MYT1: variants seen among roughly 807,000 people sequenced by gnomAD.
The protein encoded by MYT1 is myelin transcription factor 1.
A neutral mutation model predicts 123.0 loss-of-function variants in MYT1; 23 were observed. The observed-to-expected ratio is 0.19, with a 90% CI of 0.13 to 0.26. The LOEUF (loss-of-function observed/expected upper bound fraction) is 0.26. Among genes scored for constraint, MYT1 ranks in the 10% least tolerant of loss-of-function variants. The pLI, the probability that MYT1 is intolerant of heterozygous loss-of-function variation, is 1.00. For synonymous variants in MYT1, 518 were observed against 575.3 expected, an observed-to-expected ratio of 0.90 and a Z score of 1.43; for missense variants, 1,125 against 1,472.5, an observed-to-expected ratio of 0.76 and a Z score of 3.86.
In MYT1 at chr20:64,191,549, G is replaced by C. The variant is rs1982971407; in HGVS notation, c.-1+1389G>C. The stretch of plus-strand genomic sequence containing the variant: ...TGGCTCAAGGACAGTGATGGCGTAG[G>C]GTGTAGGCAAGGAGGGCTATGCAGT... On this transcript the variant is annotated intron_variant, in intron 2 of 22. Transcript: ENST00000328439. The surrounding 1 kb of genome is among the most constrained non-coding windows in gnomAD (Gnocchi z 4.1). The C allele has an allele frequency of 6.6e-6, 1 of 152,264 alleles. No individual in the cohort carries two copies. Among genetic ancestry groups the C allele is most frequent in the African/African-American group, 2.4e-5 (1 of 41,456 alleles). The allele number at this position is 152,264 out of a possible 1,614,324, so 9.4% of individuals were successfully genotyped here. A position where few individuals can be genotyped will look rare whatever the true frequency, so the allele number is the denominator to read the frequency against.
At position 64,190,462 on chromosome 20, in the gene MYT1, T is replaced by A. The variant is rs113335919; in HGVS notation, c.-1+302T>A. Among the ~76,000 whole-genome samples the A allele has an allele frequency of 0.011, 1,676 of 152,022 alleles. 23 individuals carry two copies. The highest frequency in any genetic ancestry group is 0.038 in the African/African-American group (1,587 of 41,416). ...GCTGAGGCAGGTGGATCACTTGAGG[T>A]CAAGAGTTCAAGACCAGCCTGGCCA... On this transcript the variant is annotated intron_variant, in intron 2 of 22. Coordinates refer to ENST00000328439, the MANE Select transcript of MYT1 (RefSeq NM_004535.3). This position sits in a 1 kb window ranked among gnomAD's most constrained non-coding sequence, Gnocchi z 4.1.
In MYT1 at chr20:64,242,199, C is replaced by T. The variant is rs1984736316; in HGVS notation, c.*1751C>T. ...CAGGAAGCGCGTTGAACCCACAGCA[C>T]TCCGTGGTGTGTTTGCAGGGTGATT... On this transcript the variant is annotated 3_prime_UTR_variant, in exon 23 of 23. Transcript: ENST00000328439. 6.6e-6 allele frequency: 1 copy of T among 152,628 alleles called. No homozygotes were observed. Among genetic ancestry groups the T allele is most frequent in the Admixed American group, 6.5e-5 (1 of 15,282 alleles). 9.5% of individuals were successfully genotyped at this position (152,628 alleles called of 1,614,324 possible). A position where few individuals can be genotyped will look rare whatever the true frequency, so the allele number is the denominator to read the frequency against.
In MYT1 at chr20:64,227,946, G is replaced by A. The variant is rs749516674; in HGVS notation, c.2650G>A (p.Asp884Asn). 13 of 1,613,954 alleles carry A rather than the reference G, an allele frequency of 8.1e-6. No homozygotes were observed. The highest frequency in any genetic ancestry group is 1.7e-5 in the Admixed American group (1 of 60,002). ...SGVKVAPTKD[D>N]KEDPELMKCP... ...AGTCAAGGTGGCACCCACCAAGGACGACAAGGAGGACCCCGAGCTGATGAA... is the reference window on the plus strand; with the variant it reads ...AGTCAAGGTGGCACCCACCAAGGACAACAAGGAGGACCCCGAGCTGATGAA... The change falls in exon 18 of 23, where the codon GAC (aspartate) becomes AAC (asparagine). Residue 884 changes from aspartate (D) to asparagine (N), a missense_variant. This residue lies in a region of MYT1 where 243 missense variants were observed against 323.1 expected (regional missense o/e 0.75). Transcript: ENST00000328439.
rs1323352175 is a variant in MYT1 at position 64,166,186 on chromosome 20, A to G, written c.-99+1447A>G. ...AAAAGAGTAAGAGAGCAGGGATTGG[A>G]GTCCTGTGGTACCAGCCAGGGTGCT... On this transcript the variant is annotated intron_variant, in intron 1 of 22. Transcript: ENST00000328439. This position sits in a 1 kb window ranked among gnomAD's most constrained non-coding sequence, Gnocchi z 4.9. 1.3e-5 allele frequency among the ~76,000 whole-genome samples: 2 copies of G among 152,196 alleles called. No homozygotes were observed. Among genetic ancestry groups the G allele is most frequent in the African/African-American group, 2.4e-5 (1 of 41,446 alleles).
chr20:64,213,608 A>C lies in MYT1; in HGVS notation c.1592A>C (p.Asp531Ala). The change falls in exon 10 of 23, where the codon GAT becomes GCT. Residue 531 changes from aspartate to alanine, a missense_variant. This residue lies in a region of MYT1 where 429 missense variants were observed against 604.1 expected (regional missense o/e 0.71). Coordinates refer to ENST00000328439, the MANE Select transcript of MYT1 (RefSeq NM_004535.3). This position sits in a 1 kb window ranked among gnomAD's most constrained non-coding sequence, Gnocchi z 5.6. ...GAGAAGCAGCAGCCGCAGACAGGAG[A>C]TCCTTCCAAGAGTAGCTCCAATTCC... ...SHEKQQPQTG[D>A]PSKSSSNSDR... 6.2e-7 allele frequency: 1 copy of C among 1,614,094 alleles called. No homozygotes were observed.
At position 64,207,689 on chromosome 20, in the gene MYT1, G is replaced by A. The variant is rs761816010; in HGVS notation, c.493G>A (p.Ala165Thr). 5.8e-5 allele frequency: 93 copies of A among 1,613,916 alleles called. No homozygotes were observed. The South Asian group carries it at 8.0e-4, about 14-fold the overall frequency. ...CTACAGCAGCTACCAGGGAATCATCGCAACTTCTCTCCTGAACTTGGGTCA... is the reference window on the plus strand; with the variant it reads ...CTACAGCAGCTACCAGGGAATCATCACAACTTCTCTCCTGAACTTGGGTCA... ...GSYSSYQGII[A>T]TSLLNLGQIA... The change falls in exon 7 of 23, where the codon GCA (alanine) becomes ACA (threonine). Residue 165 changes from alanine (A) to threonine (T), a missense_variant. Physicochemically the swap from Ala to Thr is moderately conservative, Grantham distance 58. Coordinates refer to ENST00000328439, the MANE Select transcript of MYT1 (RefSeq NM_004535.3).
Position 64,196,671 on chromosome 20 carries a change from A to C in MYT1, c.1-2191A>C, listed in dbSNP as rs1983131438. Among the ~76,000 whole-genome samples the C allele has an allele frequency of 6.6e-6, 1 of 152,214 alleles. No individual in the cohort carries two copies. The highest frequency in any genetic ancestry group is 1.5e-5 in the Non-Finnish European group (1 of 68,042). Reference sequence around the variant, plus strand: ...GCTTATTGACCAGTCAATGCAGATAAATTGCAAATGGTAAAAAGGTGCTCA... The same window carrying C: ...GCTTATTGACCAGTCAATGCAGATACATTGCAAATGGTAAAAAGGTGCTCA... On this transcript the variant is annotated intron_variant, in intron 2 of 22. Coordinates refer to ENST00000328439, the MANE Select transcript of MYT1 (RefSeq NM_004535.3). This position sits in a 1 kb window ranked among gnomAD's most constrained non-coding sequence, Gnocchi z 4.3.
chr20:64,207,398 T>C (rs896068024), intron 6 of MYT1, among the ~76,000 whole-genome samples, 196 bp from the exon 7 acceptor site: 1 of 152,052 alleles, frequency 6.6e-6, no homozygotes, highest in African/African-American at 2.4e-5. Flanking sequence ...TCACCGTGAT[T>C]TCTGGATTCA....
At chr20:64,204,960 G>T in intron 4 of MYT1, 75 bp from the exon 5 acceptor site, 1 of 1,481,952 alleles carries the variant, frequency 6.7e-7, no homozygotes, top group Middle Eastern at 1.7e-4. Context: ...CTGCTCCCCA[G>T]GGTGAAGGTC....
At chr20:64,205,000 G>A (rs764406065) in intron 4 of MYT1, 35 bp from the exon 5 acceptor site, 45 of 1,609,404 alleles carry the variant, frequency 2.8e-5, no homozygotes, top group East Asian at 4.5e-5. Flanking sequence ...TGAGCCCATC[G>A]CCTGATGTGG....
At chr20:64,236,495 C>T in intron 19 of MYT1, 60 bp from the exon 20 acceptor site, 2 of 1,421,220 alleles carry the variant, frequency 1.4e-6, no homozygotes, top group Non-Finnish European at 2.0e-6. Context: ...GTATGTGACC[C>T]TGGGATGGTC....
At chr20:64,195,078 T>G (rs570365315) in intron 2 of MYT1, among the ~76,000 whole-genome samples, 2 of 151,880 alleles carry the variant, frequency 1.3e-5, no homozygotes, top group Non-Finnish European at 2.9e-5. Flanking sequence ...GTATTTTTAG[T>G]AGAGTCAGGT....
At chr20:64,205,125 A>T in intron 5 of MYT1, 28 bp downstream of exon 5, 1 of 1,612,308 alleles carries the variant, frequency 6.2e-7, no homozygotes, top group Non-Finnish European at 8.5e-7. Context: ...TCTCACGGAG[A>T]TTCCTGGGCG....
chr20:64,193,503 T>C lies in MYT1; in HGVS notation c.-1+3343T>C, dbSNP rs900220121. Among the ~76,000 whole-genome samples the C allele has an allele frequency of 5.3e-5, 8 of 152,142 alleles. No individual in the cohort carries two copies. Among genetic ancestry groups the C allele is most frequent in the African/African-American group, 1.9e-4 (8 of 41,416 alleles). On this transcript the variant is annotated intron_variant, in intron 2 of 22. Coordinates refer to ENST00000328439, the MANE Select transcript of MYT1 (RefSeq NM_004535.3). This position sits in a 1 kb window ranked among gnomAD's most constrained non-coding sequence, Gnocchi z 4.0. Reference sequence around the variant, plus strand: ...TGGCTTCACAGCAGTGACAGGGAAGTTGATGCTGCCCTCAGTACATAAATG... The same window carrying C: ...TGGCTTCACAGCAGTGACAGGGAAGCTGATGCTGCCCTCAGTACATAAATG...
intron 17 of MYT1, 132 bp downstream of exon 17, chr20:64,227,609 C>A: frequency 2.2e-6 from 2 of 906,466 alleles, no homozygotes; most frequent in Non-Finnish European, 3.3e-6. Flanking sequence ...TGAATTGTTG[C>A]CATTTCCAGA....
At position 64,240,317 on chromosome 20, in the gene MYT1, T is replaced by C; in HGVS notation, c.3238-3T>C. ...AGCTTGCTAACCTGGTTCTGTTCTC[T>C]AGGAGCCAATATGCGAACAGAATTT... On this transcript the variant is annotated splice_polypyrimidine_tract_variant and splice_region_variant and intron_variant, in intron 22 of 22. Transcript: ENST00000328439. 1 of 1,613,570 alleles carries C rather than the reference T, an allele frequency of 6.2e-7. No individual in the cohort carries two copies. The highest frequency in any genetic ancestry group is 8.5e-7 in the Non-Finnish European group (1 of 1,179,702).
rs762931300 is a variant in MYT1 at position 64,223,335 on chromosome 20, T to C, written c.2504T>C (p.Met835Thr). 3.1e-6 allele frequency: 5 copies of C among 1,614,154 alleles called. No homozygotes were observed. The highest frequency in any genetic ancestry group is 3.4e-6 in the Non-Finnish European group (4 of 1,180,002). ...GCTGACAAGAGCCTCAGAAACCTCA[T>C]GGCTGCCCACTCTGCTGACCTCAAG... The part of the protein sequence containing the change: ...PLADKSLRNL[M>T]AAHSADLKCP... Residue 835 changes from methionine to threonine, a missense_variant, in exon 16 of 23, where the codon ATG becomes ACG. By Grantham distance (81) the Met-to-Thr change is moderately conservative. Around this residue, in one of 4 missense-constraint regions of MYT1, gnomAD observed 47 missense variants for 113.1 expected, o/e 0.42. Coordinates refer to ENST00000328439, the MANE Select transcript of MYT1 (RefSeq NM_004535.3).
rs554529435 is a variant in MYT1 at position 64,240,840 on chromosome 20, G to A, written c.*392G>A. 8.4e-4 allele frequency: 156 copies of A among 185,992 alleles called. No individual in the cohort carries two copies. The highest frequency in any genetic ancestry group is 3.4e-3 in the African/African-American group (147 of 42,652). The allele number at this position is 185,992 out of a possible 1,614,324, so 11.5% of individuals were successfully genotyped here. On this transcript the variant is annotated 3_prime_UTR_variant, in exon 23 of 23. Coordinates refer to ENST00000328439, the MANE Select transcript of MYT1 (RefSeq NM_004535.3). ...GTAGCCGTGAGCGTGGTGGGTGGGTGGTGTGAGTGGCATCTTGGCCTGGAG... is the reference window on the plus strand; with the variant it reads ...GTAGCCGTGAGCGTGGTGGGTGGGTAGTGTGAGTGGCATCTTGGCCTGGAG...
rs1350826830 is a variant in MYT1, at chr20:64,207,956, A to C, written c.760A>C (p.Ile254Leu). The change falls in exon 7 of 23, where the codon ATC (isoleucine) becomes CTC (leucine). Residue 254 changes from isoleucine to leucine, a missense_variant. Ile to Leu is a conservative substitution (Grantham distance 5, BLOSUM62 2). Coordinates refer to ENST00000328439, the MANE Select transcript of MYT1 (RefSeq NM_004535.3). ...TGAGGAGTCCAGCAAGCAGAAAGGC[A>C]TCCTGAGTCACGAAGAGGAGGACGA... is the stretch of plus-strand genomic sequence containing the variant. ...ASEESSKQKG[I>L]LSHEEEDEEE... The C allele has an allele frequency of 6.2e-7, 1 of 1,609,346 alleles. No homozygotes were observed.
Sources: gnomAD v4.1 joint callset for allele counts (sites outside exome capture counted in the v4.1 genomes callset) on GRCh38, gnomAD v4.1.1 for gene constraint, gnomAD v4.1.1 regional missense constraint, Gnocchi (gnomAD v3.1) non-coding constraint, MANE v1.5 for transcripts, NCBI Gene and HGNC (gene_info 2026-07-23, HGNC 2026-07-21) for gene names.